ZNF215: variants seen among roughly 807,000 people sequenced by gnomAD.
The protein encoded by ZNF215 is zinc finger protein 215.
A neutral mutation model predicts 27.2 loss-of-function variants in ZNF215; 24 were observed. That is an observed-to-expected ratio of 0.88 (90% CI 0.64 to 1.24). The LOEUF (loss-of-function observed/expected upper bound fraction) is 1.24. Ranked by LOEUF, ZNF215 falls within the 50% of genes most tolerant of loss-of-function variation. The probability of loss-of-function intolerance (pLI) is 0.00; values close to 1 mark genes in which losing one functional copy is unlikely to be tolerated. For synonymous variants in ZNF215, 210 were observed against 204.0 expected, an observed-to-expected ratio of 1.03 and a Z score of -0.25; for missense variants, 675 against 605.7, an observed-to-expected ratio of 1.11 and a Z score of -1.20.
chr11:6,969,060 T>C (rs746511553), intron 5 of ZNF215, among the ~76,000 whole-genome samples: 3 of 152,174 alleles, frequency 2.0e-5, no homozygotes, highest in Non-Finnish European at 4.4e-5. Flanking sequence ...CATGTGCTGA[T>C]TCTTCCTAAT....
chr11:6,948,183 G>A (rs910482114), intron 6 of ZNF215, among the ~76,000 whole-genome samples: 3 of 152,082 alleles, frequency 2.0e-5, no homozygotes, highest in East Asian at 3.9e-4. Context: ...CTGTCCTCTG[G>A]CTACAAAATA....
At chr11:6,986,554 A>T (rs984502435), downstream of ZNF215, among the ~76,000 whole-genome samples, 3 of 152,190 alleles carry the variant, frequency 2.0e-5, no homozygotes, top group Non-Finnish European at 4.4e-5. Context: ...ACAGCAAAAG[A>T]GATCATCAAA....
At chr11:6,951,804 T>C (rs1451764913) in intron 6 of ZNF215, among the ~76,000 whole-genome samples, 1 of 152,176 alleles carries the variant, frequency 6.6e-6, no homozygotes, top group East Asian at 1.9e-4. Flanking sequence ...CTTGCTTTTC[T>C]AGTTCTTTTA....
exon 6 of ZNF215, chr11:6,984,316 C>T: frequency 4.2e-6 from 1 of 236,950 alleles, no homozygotes; most frequent in South Asian, 4.1e-5. Context: ...ACCATGTTGG[C>T]CAGGCTGGTC....
In ZNF215 at chr11:6,953,816, C is replaced by T. The variant is rs557776173; in HGVS notation, c.713-1874C>T. Among the ~76,000 whole-genome samples, 376 of 152,052 alleles carry T rather than the reference C, an allele frequency of 2.5e-3. 3 individuals carry two copies. The highest frequency in any genetic ancestry group is 8.7e-3 in the African/African-American group (359 of 41,462). Reference sequence around the variant, plus strand: ...TTTGGAGGAGGAGAGGCACTCTGCTCTTTAGAGTTTCCAGTTTTTCTGCTC... The same window carrying T: ...TTTGGAGGAGGAGAGGCACTCTGCTTTTTAGAGTTTCCAGTTTTTCTGCTC... On this transcript the variant is annotated intron_variant, in intron 6 of 6. Coordinates refer to ENST00000278319, the MANE Select transcript of ZNF215 (RefSeq NM_013250.4).
Position 6,943,267 on chromosome 11 carries a change from G to A in ZNF215, c.616+52G>A, listed in dbSNP as rs201712614. 4.9e-4 allele frequency: 760 copies of A among 1,566,792 alleles called. 11 individuals are homozygous for A. The highest frequency in any genetic ancestry group is 1.7e-4 in the Middle Eastern group (1 of 5,832). ...GTCCATTTAGTAATCTCTTCCTACC[G>A]TTAAAAGCTATAGGACTGCTGAAGT... On this transcript the variant is annotated intron_variant, in intron 5 of 6. Coordinates refer to ENST00000278319, the MANE Select transcript of ZNF215 (RefSeq NM_013250.4).
At chr11:6,943,899 C>T (rs1849723502) in intron 6 of ZNF215, among the ~76,000 whole-genome samples, 3 of 151,854 alleles carry the variant, frequency 2.0e-5, no homozygotes, top group African/African-American at 7.3e-5. Flanking sequence ...GTTTCCTCAT[C>T]TGTAACATAG....
chr11:6,985,180 C>T (rs1851035385), downstream of ZNF215, among the ~76,000 whole-genome samples: 1 of 152,084 alleles, frequency 6.6e-6, no homozygotes, highest in South Asian at 2.1e-4. Flanking sequence ...TCCAGCAGCA[C>T]ACCAAAAAGA....
downstream of ZNF215, among the ~76,000 whole-genome samples, chr11:6,962,495 T>G (rs902998984): frequency 1.3e-5 from 2 of 152,102 alleles, no homozygotes; most frequent in Admixed American, 6.6e-5. Flanking sequence ...TTATATATTA[T>G]CTATGATTCA....
intron 6 of ZNF215, among the ~76,000 whole-genome samples, chr11:6,952,831 G>A (rs7117656): frequency 0.06 from 9,149 of 151,702 alleles, 344 homozygotes; most frequent in East Asian, 0.15. Context: ...TCGTAGCCTC[G>A]ATGGTCTTTA....
At chr11:6,930,241 C>A (rs1849207646) in intron 2 of ZNF215, among the ~76,000 whole-genome samples, 2 of 152,054 alleles carry the variant, frequency 1.3e-5, no homozygotes, top group South Asian at 4.2e-4. Context: ...GTATTAGAAA[C>A]CAAGATCTGG....
At chr11:6,942,160 T>G (rs1034042406) in intron 4 of ZNF215, among the ~76,000 whole-genome samples, 3 of 152,170 alleles carry the variant, frequency 2.0e-5, no homozygotes, top group South Asian at 2.1e-4. Context: ...TAAGCCAGAC[T>G]GTGGTGTGTT....
rs374111067 is a variant in ZNF215, at chr11:6,951,264, G to C, written c.713-4426G>C. Among the ~76,000 whole-genome samples the C allele has an allele frequency of 3.8e-3, 578 of 152,026 alleles. 6 individuals are homozygous for C. The highest frequency in any genetic ancestry group is 0.013 in the African/African-American group (552 of 41,496). On this transcript the variant is annotated intron_variant, in intron 6 of 6. Coordinates refer to ENST00000278319, the MANE Select transcript of ZNF215 (RefSeq NM_013250.4). ...TGGCCTCATAAAATGAGTTAGGGAGGATTCCCTCTTTTTCTATTGATTGGA... is the reference window on the plus strand; with the variant it reads ...TGGCCTCATAAAATGAGTTAGGGAGCATTCCCTCTTTTTCTATTGATTGGA...
At chr11:6,972,910 A>AT (rs1850746319) in intron 5 of ZNF215, among the ~76,000 whole-genome samples, 1 of 4,866 alleles carries the variant, frequency 2.1e-4, no homozygotes, top group African/African-American at 2.3e-4. Flanking sequence ...GGATTTTTTT[A>AT]ATTTTTTTTA....
At chr11:6,981,793 T>C (rs1850958446) in intron 5 of ZNF215, among the ~76,000 whole-genome samples, 1 of 152,050 alleles carries the variant, frequency 6.6e-6, no homozygotes, top group Admixed American at 6.6e-5. Context: ...GTATAAGGTG[T>C]AAGGAAGGGA....
chr11:6,940,425 C>A (rs999836189), intron 3 of ZNF215, among the ~76,000 whole-genome samples: 3 of 152,090 alleles, frequency 2.0e-5, no homozygotes, highest in Non-Finnish European at 2.9e-5. Context: ...CTGCGTCAGC[C>A]TCCCAAGTAG....
At chr11:6,991,304 T>G (rs969698432), downstream of ZNF215, among the ~76,000 whole-genome samples, 7 of 152,184 alleles carry the variant, frequency 4.6e-5, no homozygotes, top group African/African-American at 1.4e-4. Context: ...CCTCCCTGCT[T>G]CCCTCCAGGA....
intron 6 of ZNF215, among the ~76,000 whole-genome samples, chr11:6,954,484 T>C (rs1395324743): frequency 2.6e-5 from 4 of 152,200 alleles, no homozygotes; most frequent in Admixed American, 2.6e-4. Flanking sequence ...TGCAGTTTGA[T>C]GTCAGACTGC....
At chr11:6,982,403 A>C (rs1460883203) in intron 5 of ZNF215, among the ~76,000 whole-genome samples, 4 of 152,256 alleles carry the variant, frequency 2.6e-5, no homozygotes, top group Non-Finnish European at 5.9e-5. Flanking sequence ...TGCACCAAGC[A>C]GACCTAATAG....
Sources: gnomAD v4.1 joint callset for allele counts (sites outside exome capture counted in the v4.1 genomes callset) on GRCh38, gnomAD v4.1.1 for gene constraint, MANE v1.5 for transcripts, NCBI Gene and HGNC (gene_info 2026-07-23, HGNC 2026-07-21) for gene names.